Variants in USP15 observed in about 807,000 individuals in gnomAD.
The protein encoded by USP15 is ubiquitin carboxyl-terminal hydrolase 15.
USP15 carries 18 observed loss-of-function variants against 127.1 expected under a neutral mutation model. The observed-to-expected ratio is 0.14, with a 90% CI of 0.10 to 0.21. The LOEUF is 0.21. Among genes scored for constraint, USP15 ranks in the 10% least tolerant of loss-of-function variants. The probability of loss-of-function intolerance (pLI) is 1.00; values close to 1 mark genes in which losing one functional copy is unlikely to be tolerated. For synonymous variants in USP15, 364 were observed against 393.7 expected (o/e 0.92, Z 0.89); for missense variants, 805 against 1,159.9 (o/e 0.69, Z 4.44).
rs757729506 is a variant in USP15, at chr12:62,396,312, A to G, written c.2588A>G (p.Glu863Gly). Reference protein sequence around the residue: ...DFPINDLDMSEFLINPNAGPC... With the variant: ...DFPINDLDMSGFLINPNAGPC... ...TTAAACAGTGACTTGGATATGTCGGAATTCTTAATTAATCCAAATGCAGGT... is the reference window on the plus strand; with the variant it reads ...TTAAACAGTGACTTGGATATGTCGGGATTCTTAATTAATCCAAATGCAGGT... The change falls in exon 20 of 22, where the codon GAA becomes GGA. Residue 863 changes from glutamate to glycine, a missense_variant. Glu to Gly is a moderately conservative substitution (Grantham distance 98). This residue lies in a region of USP15 where 116 missense variants were observed against 157.2 expected (regional missense o/e 0.74). Coordinates refer to ENST00000280377, the MANE Select transcript of USP15 (RefSeq NM_001252078.2). 1.3e-6 allele frequency: 2 copies of G among 1,585,106 alleles called. No individual in the cohort carries two copies. Among genetic ancestry groups the G allele is most frequent in the Non-Finnish European group, 1.7e-6 (2 of 1,170,426 alleles).
chr12:62,260,435 G>T lies in USP15; in HGVS notation c.21G>T (p.Ala7=). ...AGAAGATGGCGGAAGGCGGAGCGGCGGATCTGGACACCCAGCGGTCTGACA... is the reference window on the plus strand; with the variant it reads ...AGAAGATGGCGGAAGGCGGAGCGGCTGATCTGGACACCCAGCGGTCTGACA... MAEGGA[A]DLDTQRSDIA... is the part of the protein sequence containing the mutation. The change falls in exon 1 of 22, where the codon GCG becomes GCT. Residue 7 remains alanine, a synonymous_variant. Transcript: ENST00000280377. 1 of 1,551,806 alleles carries T rather than the reference G, an allele frequency of 6.4e-7. No homozygotes were observed. Among genetic ancestry groups the T allele is most frequent in the Non-Finnish European group, 8.7e-7 (1 of 1,147,746 alleles).
chr12:62,302,414 G>C (rs758105697), intron 2 of USP15, among the ~76,000 whole-genome samples: 3 of 152,090 alleles, frequency 2.0e-5, no homozygotes, highest in Non-Finnish European at 2.9e-5. Context: ...TTGATTTATG[G>C]TACAAACTGA....
At chr12:62,385,179 A>C (rs975006387) in intron 11 of USP15, among the ~76,000 whole-genome samples, 4 of 151,968 alleles carry the variant, frequency 2.6e-5, no homozygotes, top group Non-Finnish European at 5.9e-5. Flanking sequence ...AATGCACAAG[A>C]AGTATTCAAA....
intron 3 of USP15, among the ~76,000 whole-genome samples, chr12:62,307,373 G>T (rs1256011621): frequency 1.3e-5 from 2 of 152,164 alleles, no homozygotes; most frequent in Non-Finnish European, 2.9e-5. Context: ...TCTAGTATTT[G>T]TCCAGGTAGA....
chr12:62,263,653 A>G (rs988619489), intron 1 of USP15, among the ~76,000 whole-genome samples: 13 of 152,326 alleles, frequency 8.5e-5, no homozygotes, highest in African/African-American at 3.1e-4. Context: ...TTAATACGAG[A>G]GTAATACCTT....
chr12:62,332,011 A>G (rs1214487435), intron 6 of USP15, among the ~76,000 whole-genome samples: 1 of 152,002 alleles, frequency 6.6e-6, no homozygotes, highest in Non-Finnish European at 1.5e-5. Flanking sequence ...CTAAAAATAC[A>G]AAAATTAGCC....
At chr12:62,283,526 G>T (rs1469596806) in intron 1 of USP15, among the ~76,000 whole-genome samples, 1 of 152,100 alleles carries the variant, frequency 6.6e-6, no homozygotes, top group Non-Finnish European at 1.5e-5. Context: ...CAATTAGAAA[G>T]GAATGATTAA....
intron 6 of USP15, among the ~76,000 whole-genome samples, chr12:62,339,443 G>A (rs1292896706): frequency 1.3e-5 from 2 of 152,108 alleles, no homozygotes; most frequent in African/African-American, 4.8e-5. Context: ...TAGGAGTGGT[G>A]AGAGGGCATC....
At chr12:62,373,532 A>G (rs1436943369) in intron 8 of USP15, among the ~76,000 whole-genome samples, 2 of 151,982 alleles carry the variant, frequency 1.3e-5, no homozygotes, top group Admixed American at 6.6e-5. Context: ...TTAGGACAAC[A>G]TCCTTGTCCA....
At chr12:62,278,746 G>T (rs563790583) in intron 1 of USP15, 1 of 152,052 alleles carries the variant, frequency 6.6e-6, no homozygotes. Context: ...TATGCCTAAC[G>T]TACCATACAA....
rs1309683383 is a variant in USP15 at position 62,409,049 on chromosome 12, T to C, written c.*4674T>C. On this transcript the variant is annotated 3_prime_UTR_variant, in exon 22 of 22. Coordinates refer to ENST00000280377, the MANE Select transcript of USP15 (RefSeq NM_001252078.2). ...AATATAGATGGTAAAAATTCAAATA[T>C]TTATCAAGACTTTTTTCTTCACTAA... The C allele has an allele frequency of 6.6e-6, 1 of 151,898 alleles. No individual in the cohort carries two copies. Among genetic ancestry groups the C allele is most frequent in the Non-Finnish European group, 1.5e-5 (1 of 68,016 alleles). The allele number at this position is 151,898 out of a possible 1,614,324, so 9.4% of individuals were successfully genotyped here.
chr12:62,380,013 CTCTT>C (rs1201275403), intron 8 of USP15, among the ~76,000 whole-genome samples: 1 of 152,016 alleles, frequency 6.6e-6, no homozygotes, highest in African/African-American at 2.4e-5. Context: ...TAGCATACCT[CTCTT>C]TCTCCTGCTC....
chr12:62,277,783 T>C (rs11174410), intron 1 of USP15, among the ~76,000 whole-genome samples: 34,053 of 152,008 alleles, frequency 0.22, 4,154 homozygotes, highest in African/African-American at 0.34. Context: ...TTCAAAGGTG[T>C]CCTGGGCCAC....
intron 4 of USP15, among the ~76,000 whole-genome samples, chr12:62,320,681 A>G (rs1329217304): frequency 6.6e-6 from 1 of 152,188 alleles, no homozygotes; most frequent in African/African-American, 2.4e-5. Context: ...CTAAGTAGAT[A>G]GTATTATTGG....
intron 21 of USP15, among the ~76,000 whole-genome samples, chr12:62,402,000 G>T (rs934844535): frequency 6.6e-6 from 1 of 150,940 alleles, no homozygotes; most frequent in South Asian, 2.1e-4. Flanking sequence ...TTTTAAAATT[G>T]TGTTAGTTTT....
chr12:62,304,261 G>A (rs899482036), intron 3 of USP15, among the ~76,000 whole-genome samples: 1 of 151,998 alleles, frequency 6.6e-6, no homozygotes, highest in Non-Finnish European at 1.5e-5. Flanking sequence ...ACAAGTAGAA[G>A]AAAAAACATT....
chr12:62,316,693 A>G (rs899216390), intron 4 of USP15, among the ~76,000 whole-genome samples: 1 of 152,054 alleles, frequency 6.6e-6, no homozygotes, highest in African/African-American at 2.4e-5. Context: ...TAAATATGAG[A>G]CCATCAGAGA....
intron 5 of USP15, among the ~76,000 whole-genome samples, chr12:62,324,673 G>A (rs984345954): frequency 2.0e-5 from 3 of 151,776 alleles, no homozygotes; most frequent in Non-Finnish European, 4.4e-5. Context: ...TTTTTATATG[G>A]TACAAATACA....
At chr12:62,286,609 C>T (rs2063794654) in intron 1 of USP15, among the ~76,000 whole-genome samples, 1 of 152,098 alleles carries the variant, frequency 6.6e-6, no homozygotes, top group Non-Finnish European at 1.5e-5. Flanking sequence ...ATGGAATCAA[C>T]CCAGGTGCCC....
Sources: gnomAD v4.1 joint callset for allele counts (sites outside exome capture counted in the v4.1 genomes callset) on GRCh38, gnomAD v4.1.1 for gene constraint, gnomAD v4.1.1 regional missense constraint, MANE v1.5 for transcripts, NCBI Gene and HGNC (gene_info 2026-07-23, HGNC 2026-07-21) for gene names.